Variants in MYH15 observed in about 807,000 individuals in gnomAD.
The protein encoded by MYH15 is myosin heavy chain 15.
Under a neutral mutation model 240.5 loss-of-function variants are expected in MYH15, and 227 were observed. The ratio of observed to expected loss-of-function variants is 0.94; its 90% CI spans 0.85 to 1.05. The LOEUF is 1.05. MYH15 is among the 50% of genes least tolerant of loss of function. The probability of loss-of-function intolerance (pLI) is 0.00; values close to 1 mark genes in which losing one functional copy is unlikely to be tolerated. For missense variants in MYH15, 2,217 were observed against 2,247.5 expected (o/e 0.99, Z 0.27); for synonymous variants, 785 against 796.7 (o/e 0.99, Z 0.25).
intron 25 of MYH15, among the ~76,000 whole-genome samples, chr3:108,435,837 TACACAC>T (rs34885657): frequency 5.4e-5 from 8 of 147,262 alleles, no homozygotes; most frequent in East Asian, 2.0e-4. Flanking sequence ...TGTATATGTA[TACACAC>T]ACACACACAC....
chr3:108,488,225 T>C (rs1248487687), intron 9 of MYH15, among the ~76,000 whole-genome samples: 1 of 152,234 alleles, frequency 6.6e-6, no homozygotes, highest in Admixed American at 6.5e-5. Flanking sequence ...GTGGTATTTG[T>C]CTTTCTGTCC....
upstream of MYH15, among the ~76,000 whole-genome samples, chr3:108,512,569 C>A (rs769701126): frequency 6.6e-6 from 1 of 152,062 alleles, no homozygotes; most frequent in South Asian, 2.1e-4. Context: ...CTGAAACATA[C>A]CTAAGAAATG....
chr3:108,520,376 G>A (rs1007951744), intron 1 of MYH15, among the ~76,000 whole-genome samples: 1 of 152,124 alleles, frequency 6.6e-6, no homozygotes, highest in Non-Finnish European at 1.5e-5. Context: ...TGGTGGAAAA[G>A]GGAGAGATAG....
chr3:108,434,721 T>C (rs535441807), intron 25 of MYH15, among the ~76,000 whole-genome samples: 1 of 152,296 alleles, frequency 6.6e-6, no homozygotes, highest in Admixed American at 6.5e-5. Context: ...AATCAAACTA[T>C]TCATAATCAT....
chr3:108,541,690 T>C, the MYH15 span, among the ~76,000 whole-genome samples: 1 of 152,116 alleles, frequency 6.6e-6, no homozygotes, highest in Non-Finnish European at 1.5e-5. Context: ...CTAAGTAATA[T>C]TTTGAATGAC....
At position 108,490,887 on chromosome 3, in the gene MYH15, T is replaced by G. The variant is rs1417775399; in HGVS notation, c.871+1613A>C. Among the ~76,000 whole-genome samples, 9 of 145,324 alleles carry G rather than the reference T, an allele frequency of 6.2e-5. No individual in the cohort carries two copies. In the South Asian group the frequency reaches 8.7e-4, roughly 14 times the overall value. The stretch of plus-strand genomic sequence containing the variant: ...AACCTACAAAGAAATTAGATCATGG[T>G]TTTTTTTTTTTCTTTTTTGAGACAG... On this transcript the variant is annotated intron_variant, in intron 9 of 40. Transcript: ENST00000693548.
chr3:108,497,906 A>G, intron 6 of MYH15, 146 bp downstream of exon 6: 1 of 614,498 alleles, frequency 1.6e-6, no homozygotes, highest in Non-Finnish European at 2.9e-6. Context: ...GACCAAAGGA[A>G]ATATTTAAAA....
At chr3:108,408,429 A>C in intron 31 of MYH15, 25 bp from the exon 32 acceptor site, 1 of 1,594,796 alleles carries the variant, frequency 6.3e-7, no homozygotes, top group Non-Finnish European at 8.5e-7. Context: ...AAGAAAAACA[A>C]AGTTAGTGAA....
chr3:108,535,422 G>T, the MYH15 span, among the ~76,000 whole-genome samples: 1 of 152,112 alleles, frequency 6.6e-6, no homozygotes, highest in East Asian at 1.9e-4. Context: ...TCTCTCTTGA[G>T]CCTCTTTTGT....
intron 11 of MYH15, among the ~76,000 whole-genome samples, chr3:108,484,489 AT>A (rs1028198413): frequency 6.6e-6 from 1 of 151,446 alleles, no homozygotes. Context: ...ATTTTATTTT[AT>A]TTTTTTGAGA....
intron 19 of MYH15, 101 bp from the exon 20 acceptor site, chr3:108,455,960 C>T: frequency 3.4e-6 from 4 of 1,165,318 alleles, no homozygotes; most frequent in Non-Finnish European, 4.9e-6. Flanking sequence ...AGATTTTTAT[C>T]TCTGTTACTA....
At chr3:108,424,161 G>T (rs909106350) in intron 27 of MYH15, among the ~76,000 whole-genome samples, 1 of 152,198 alleles carries the variant, frequency 6.6e-6, no homozygotes, top group African/African-American at 2.4e-5. Flanking sequence ...AAGAGCCAAA[G>T]ACTTCCCAGT....
At chr3:108,433,897 A>T (rs1474813872) in intron 25 of MYH15, among the ~76,000 whole-genome samples, 1 of 152,138 alleles carries the variant, frequency 6.6e-6, no homozygotes, top group African/African-American at 2.4e-5. Context: ...TTCCCACTAG[A>T]GGAAACTACC....
intron 15 of MYH15, 149 bp downstream of exon 15, chr3:108,464,489 T>A (rs2083096896): frequency 1.2e-6 from 1 of 819,638 alleles, no homozygotes; most frequent in South Asian, 1.9e-5. Flanking sequence ...GCTAAAAGGC[T>A]ACACTACCTT....
In MYH15 at chr3:108,470,194, G is replaced by A. The variant is rs769074721; in HGVS notation, c.1402C>T (p.Leu468Phe). 38 of 1,607,370 alleles carry A rather than the reference G, an allele frequency of 2.4e-5. No homozygotes were observed. The highest frequency in any genetic ancestry group is 3.1e-5 in the Non-Finnish European group (36 of 1,176,978). ...TTTTCATTGGTAAAATTAATGCAAAGTTGCTCAAGGCTATTATACTTCAAG... is the reference window on the plus strand; with the variant it reads ...TTTTCATTGGTAAAATTAATGCAAAATTGCTCAAGGCTATTATACTTCAAG... ...EILEYNSLEQ[L>F]CINFTNEKLQ... The change falls in exon 14 of 41, where the codon CTT (leucine) becomes TTT (phenylalanine). Residue 468 changes from leucine to phenylalanine, a missense_variant. By Grantham distance (22) the Leu-to-Phe change is conservative (BLOSUM62 0). Transcript: ENST00000693548.
intron 25 of MYH15, among the ~76,000 whole-genome samples, chr3:108,434,294 T>C (rs1408573069): frequency 1.3e-5 from 2 of 150,278 alleles, no homozygotes; most frequent in Non-Finnish European, 3.0e-5. Flanking sequence ...GCAATTCTCC[T>C]GCCTCAGCGT....
At chr3:108,443,863 A>AT (rs11328230) in intron 22 of MYH15, among the ~76,000 whole-genome samples, 54 of 144,634 alleles carry the variant, frequency 3.7e-4, no homozygotes, top group African/African-American at 7.4e-4. Flanking sequence ...AGGCATCTTT[A>AT]TTTTTTTTTT....
At chr3:108,387,952 C>A (rs982026310) in intron 38 of MYH15, among the ~76,000 whole-genome samples, 4 of 152,268 alleles carry the variant, frequency 2.6e-5, no homozygotes, top group Admixed American at 2.6e-4. Flanking sequence ...TCTTTAACAA[C>A]TCAGCCTCAG....
At chr3:108,490,067 T>C (rs762403596) in intron 9 of MYH15, among the ~76,000 whole-genome samples, 14 of 152,150 alleles carry the variant, frequency 9.2e-5, no homozygotes, top group Non-Finnish European at 1.9e-4. Context: ...ACATTAGATC[T>C]TACGTGTCAG....
Sources: allele counts gnomAD v4.1 joint callset (sites outside exome capture counted in the v4.1 genomes callset), GRCh38; gene constraint gnomAD v4.1.1; transcripts MANE v1.5; gene names NCBI Gene and HGNC (gene_info 2026-07-23, HGNC 2026-07-21).